ERICH1: variants seen among roughly 807,000 people sequenced by gnomAD.
The protein encoded by ERICH1 is glutamate rich 1.
Under a neutral mutation model 39.6 loss-of-function variants are expected in ERICH1, and 56 were observed. The observed-to-expected ratio is 1.41, with a 90% CI of 1.14 to 1.77. ERICH1 has a LOEUF of 1.77. ERICH1 is among the 40% of genes most tolerant of loss of function. The pLI is 0.00. For missense variants in ERICH1, 826 were observed against 575.4 expected (o/e 1.44, Z -4.45); for synonymous variants, 313 against 223.6 (o/e 1.40, Z -3.57).
intron 1 of ERICH1, among the ~76,000 whole-genome samples, chr8:722,321 G>A (rs1431352072): frequency 6.6e-6 from 1 of 151,188 alleles, no homozygotes; most frequent in Non-Finnish European, 1.5e-5. Context: ...AAAGGCCAAG[G>A]CCCAGAAAAA....
At chr8:683,996 CTTA>C (rs2131979752) in intron 3 of ERICH1, among the ~76,000 whole-genome samples, 1 of 152,208 alleles carries the variant, frequency 6.6e-6, no homozygotes, top group East Asian at 1.9e-4. Context: ...AGAAATTGTT[CTTA>C]TGTTTCATGT....
At chr8:730,878 G>A (rs1421171405) in intron 1 of ERICH1, among the ~76,000 whole-genome samples, 1 of 152,188 alleles carries the variant, frequency 6.6e-6, no homozygotes, top group Non-Finnish European at 1.5e-5. Flanking sequence ...GCTCGCCTCC[G>A]CCCAGGACCC....
At chr8:657,964 A>G (rs1276850246) in intron 3 of ERICH1, among the ~76,000 whole-genome samples, 1 of 152,154 alleles carries the variant, frequency 6.6e-6, no homozygotes, top group Non-Finnish European at 1.5e-5. Flanking sequence ...TTTAATGTCC[A>G]AATACAAGGC....
chr8:705,017 A>G (rs1812941642), intron 2 of ERICH1, among the ~76,000 whole-genome samples: 1 of 152,244 alleles, frequency 6.6e-6, no homozygotes, highest in Non-Finnish European at 1.5e-5. Context: ...ATGCACATAC[A>G]CCAGTTATTT....
At chr8:713,895 T>C (rs1815332157) in intron 2 of ERICH1, among the ~76,000 whole-genome samples, 1 of 152,112 alleles carries the variant, frequency 6.6e-6, no homozygotes, top group Admixed American at 6.6e-5. Flanking sequence ...ACGTCTGGCT[T>C]CATAGACTTA....
intron 3 of ERICH1, among the ~76,000 whole-genome samples, chr8:636,337 G>C (rs542268042): frequency 6.6e-6 from 1 of 152,214 alleles, no homozygotes; most frequent in African/African-American, 2.4e-5. Flanking sequence ...CCAAGGCCTC[G>C]GATGTGTGGA....
intron 3 of ERICH1, among the ~76,000 whole-genome samples, chr8:645,235 T>A (rs1669718): frequency 0.67 from 44,638 of 66,214 alleles, 21,065 homozygotes; most frequent in African/African-American, 0.83. Flanking sequence ...CTTTCCTTGC[T>A]TTGGGACGCA....
intron 2 of ERICH1, among the ~76,000 whole-genome samples, chr8:698,433 C>A (rs569292555): frequency 6.6e-6 from 1 of 152,124 alleles, no homozygotes; most frequent in South Asian, 2.1e-4. Context: ...TACCCAAGGT[C>A]GTCTTGAACT....
intron 3 of ERICH1, among the ~76,000 whole-genome samples, chr8:654,053 G>C (rs1800309237): frequency 6.6e-6 from 1 of 152,182 alleles, no homozygotes; most frequent in Admixed American, 6.5e-5. Flanking sequence ...AGGGGTTGCG[G>C]AGTTCCTGTC....
rs745919484 is a variant in ERICH1, at chr8:731,191, G to C, written c.-30C>G. ...GACCCTGCCGCGGACCTCAGACCACGGCGCGCGGTCCTGAGCTGAGCGCCG... is the reference window on the plus strand; with the variant it reads ...GACCCTGCCGCGGACCTCAGACCACCGCGCGCGGTCCTGAGCTGAGCGCCG... On this transcript the variant is annotated 5_prime_UTR_variant, in exon 1 of 6. Coordinates refer to ENST00000262109, the MANE Select transcript of ERICH1 (RefSeq NM_207332.3). 4.2e-5 allele frequency: 62 copies of C among 1,492,166 alleles called. No individual in the cohort carries two copies. Among genetic ancestry groups the C allele is most frequent in the South Asian group, 2.8e-4 (22 of 78,430 alleles). The allele number at this position is 1,492,166 out of a possible 1,614,324, so 92.4% of individuals were successfully genotyped here.
intron 1 of ERICH1, among the ~76,000 whole-genome samples, chr8:721,392 C>A (rs1042419993): frequency 6.6e-6 from 1 of 152,186 alleles, no homozygotes; most frequent in Non-Finnish European, 1.5e-5. Context: ...TTCCTCCCAG[C>A]CCCAGAGATG....
intron 3 of ERICH1, chr8:616,432 C>A (rs13276566): frequency 2.3e-5 from 10 of 432,576 alleles, no homozygotes; most frequent in Admixed American, 9.7e-5. Flanking sequence ...CCCGCACACC[C>A]CATGCTCTCC....
intron 3 of ERICH1, among the ~76,000 whole-genome samples, chr8:638,613 G>A (rs11774807): frequency 0.36 from 55,343 of 151,802 alleles, 10,180 homozygotes; most frequent in South Asian, 0.46. Flanking sequence ...GTCTTGCGAT[G>A]GAAACTCCCT....
intron 3 of ERICH1, among the ~76,000 whole-genome samples, chr8:685,425 C>A (rs976237885): frequency 6.6e-6 from 1 of 152,120 alleles, no homozygotes; most frequent in Non-Finnish European, 1.5e-5. Context: ...GTGCAGTTAA[C>A]GCAACCATCA....
intron 3 of ERICH1, among the ~76,000 whole-genome samples, chr8:641,942 C>T (rs1799037665): frequency 6.6e-6 from 1 of 152,240 alleles, no homozygotes; most frequent in South Asian, 2.1e-4. Context: ...ATAGCTTTTT[C>T]CGAGGAGGCA....
intron 3 of ERICH1, among the ~76,000 whole-genome samples, chr8:635,578 G>A (rs1798365196): frequency 6.6e-6 from 1 of 152,212 alleles, no homozygotes; most frequent in African/African-American, 2.4e-5. Flanking sequence ...TGGACGTAGT[G>A]GCCAGCCGGC....
rs138803686 is a variant in ERICH1 at position 704,069 on chromosome 8, C to T, written c.170-11457G>A. Among the ~76,000 whole-genome samples the T allele has an allele frequency of 3.7e-3, 571 of 152,314 alleles. 4 individuals are homozygous for T. Among genetic ancestry groups the T allele is most frequent in the South Asian group, 0.011 (52 of 4,820 alleles). On this transcript the variant is annotated intron_variant, in intron 2 of 5. Coordinates refer to ENST00000262109, the MANE Select transcript of ERICH1 (RefSeq NM_207332.3). ...TGGCAACTGCCTTCTCACAGCGACACTGGATGTTAAAGACTTCCAGTGTGA... is the reference window on the plus strand; with the variant it reads ...TGGCAACTGCCTTCTCACAGCGACATTGGATGTTAAAGACTTCCAGTGTGA...
chr8:708,742 G>C, intron 2 of ERICH1, among the ~76,000 whole-genome samples: 1 of 128,030 alleles, frequency 7.8e-6, no homozygotes. Flanking sequence ...TGTCTAGGCT[G>C]GAGTGCAGTG....
chr8:646,362 A>C (rs1407497777), intron 3 of ERICH1, among the ~76,000 whole-genome samples: 1 of 67,318 alleles, frequency 1.5e-5, no homozygotes, highest in Non-Finnish European at 4.6e-5. Context: ...GATTCTCCAT[A>C]GATTAAAAAA....
Sources: gnomAD v4.1 joint callset for allele counts (sites outside exome capture counted in the v4.1 genomes callset) on GRCh38, gnomAD v4.1.1 for gene constraint, MANE v1.5 for transcripts, NCBI Gene and HGNC (gene_info 2026-07-23, HGNC 2026-07-21) for gene names.